The following SUPT20H variants were observed in gnomAD, a reference collection of about 807,000 sequenced individuals.
SUPT20H encodes the protein SPT20 homolog, SAGA complex component, also known as transcription factor SPT20 homolog.
In SUPT20H, 82 loss-of-function variants were observed where a neutral mutation model predicts 122.8. The ratio of observed to expected loss-of-function variants is 0.67; its 90% confidence interval spans 0.56 to 0.80. The LOEUF (loss-of-function observed/expected upper bound fraction) is 0.80. SUPT20H is among the 30% of genes least tolerant of loss of function. The pLI, the probability that SUPT20H is intolerant of heterozygous loss-of-function variation, is 0.00. For missense variants in SUPT20H, 831 were observed against 921.6 expected, an observed-to-expected ratio of 0.90 and a Z score of 1.27; for synonymous variants, 291 against 313.0, an observed-to-expected ratio of 0.93 and a Z score of 0.74.
Position 37,058,999 on chromosome 13 carries a change from C to A in SUPT20H, c.-94+560G>T, listed in dbSNP as rs184595082. Reference sequence around the variant, plus strand: ...ACTCAAGAAGACGCGGCCCCCACTACGCAGTGGCTACGGGAGATGGCTTCC... The same window carrying A: ...ACTCAAGAAGACGCGGCCCCCACTAAGCAGTGGCTACGGGAGATGGCTTCC... On this transcript the variant is annotated intron_variant, in intron 1 of 25. Transcript: ENST00000350612. 1.5e-3 allele frequency among the ~76,000 whole-genome samples: 221 copies of A among 152,310 alleles called. 2 individuals carry two copies. Among genetic ancestry groups the A allele is most frequent in the Non-Finnish European group, 5.6e-4 (38 of 68,014 alleles).
intron 1 of SUPT20H, among the ~76,000 whole-genome samples, chr13:37,053,533 G>A (rs956162882): frequency 1.3e-5 from 2 of 151,896 alleles, no homozygotes; most frequent in Admixed American, 1.3e-4. Flanking sequence ...GGGGGTTGGG[G>A]GAAAGGGGAT....
chr13:37,031,430 A>C (rs2063304902), intron 12 of SUPT20H, 137 bp downstream of exon 12: 1 of 475,918 alleles, frequency 2.1e-6, no homozygotes, highest in African/African-American at 2.0e-5. Flanking sequence ...ATTGTTTTTA[A>C]AAAACTTGTT....
At chr13:37,037,572 G>T (rs536321194) in intron 9 of SUPT20H, among the ~76,000 whole-genome samples, 2 of 152,330 alleles carry the variant, frequency 1.3e-5, no homozygotes, top group South Asian at 4.1e-4. Flanking sequence ...AGGAACTGGG[G>T]ATAAGGTAGT....
In SUPT20H at chr13:37,021,660, A is replaced by C; in HGVS notation, c.1662-58T>G. 3 of 1,515,968 alleles carry C rather than the reference A, an allele frequency of 2.0e-6. No individual in the cohort carries two copies. In the Admixed American group the frequency reaches 6.4e-5, roughly 33 times the overall value. The allele number at this position is 1,515,968 out of a possible 1,614,324, so 93.9% of individuals were successfully genotyped here. A position where few individuals can be genotyped will look rare whatever the true frequency, so the allele number is the denominator to read the frequency against. The stretch of plus-strand genomic sequence containing the variant: ...ACTGTAAAAGGAAAAAATCAGCCAC[A>C]CAATTCCTCAGATTAAAAAACAAAA... On this transcript the variant is annotated intron_variant, in intron 20 of 25. Transcript: ENST00000350612.
At chr13:37,018,500 T>A (rs2060914261) in intron 22 of SUPT20H, among the ~76,000 whole-genome samples, 1 of 152,214 alleles carries the variant, frequency 6.6e-6, no homozygotes, top group Non-Finnish European at 1.5e-5. Context: ...GGGTGGCTGA[T>A]CTGTTATTGT....
intron 9 of SUPT20H, among the ~76,000 whole-genome samples, chr13:37,037,181 C>A (rs182713478): frequency 1.3e-3 from 170 of 129,154 alleles, no homozygotes; most frequent in African/African-American, 2.9e-3. Flanking sequence ...TGAGTTGCAA[C>A]CTGACTCTGC....
At chr13:37,051,753 C>G in intron 1 of SUPT20H, 170 bp from the exon 2 acceptor site, 1 of 351,426 alleles carries the variant, frequency 2.8e-6, no homozygotes, top group East Asian at 4.3e-5. Flanking sequence ...TGTACCACAA[C>G]CTATCCACTC....
chr13:37,025,292 A>G (rs766261174), intron 17 of SUPT20H, 28 bp downstream of exon 17: 1 of 1,517,134 alleles, frequency 6.6e-7, no homozygotes, highest in East Asian at 2.3e-5. Flanking sequence ...ACAACTGGGC[A>G]CAAAGAAGTA....
At chr13:37,025,146 T>C (rs2139657935) in intron 17 of SUPT20H, 174 bp downstream of exon 17, 2 of 546,846 alleles carry the variant, frequency 3.7e-6, no homozygotes, top group East Asian at 7.4e-5. Flanking sequence ...TTCACACTAT[T>C]GGTCAGGCTG....
intron 15 of SUPT20H, 77 bp downstream of exon 15, chr13:37,026,713 T>C (rs1364172183): frequency 4.3e-5 from 37 of 857,750 alleles, no homozygotes; most frequent in South Asian, 4.1e-4. Context: ...AAATAAAGTA[T>C]ATTTAGCAAG....
chr13:37,053,769 G>A (rs1717063783), intron 1 of SUPT20H, among the ~76,000 whole-genome samples: 1 of 151,796 alleles, frequency 6.6e-6, no homozygotes, highest in African/African-American at 2.4e-5. Flanking sequence ...CTCACTCCTT[G>A]GGTACATATG....
rs745790215 is a variant in SUPT20H, at chr13:37,010,618, C to T, written c.2136G>A (p.Glu712=). The change falls in exon 25 of 26, where the codon GAG becomes GAA. Residue 712 remains glutamate (E), a synonymous_variant. Coordinates refer to ENST00000350612, the MANE Select transcript of SUPT20H (RefSeq NM_001014286.3). ...GGAATCTCTGCTGAGGAAGGCTTTG[C>T]TCAGGTCTGTTCTCGGCAGAGCCAA... is the stretch of plus-strand genomic sequence containing the variant. ...SQLGSAENRP[E]QSLPQQRFQL... The T allele has an allele frequency of 9.3e-6, 15 of 1,613,682 alleles. No homozygotes were observed. Among genetic ancestry groups the T allele is most frequent in the African/African-American group, 1.3e-5 (1 of 74,860 alleles).
At chr13:37,051,873 T>C (rs2067781749) in intron 1 of SUPT20H, among the ~76,000 whole-genome samples, 1 of 152,174 alleles carries the variant, frequency 6.6e-6, no homozygotes, top group South Asian at 2.1e-4. Context: ...AAAAAATACA[T>C]TTTTTAAAAT....
rs368340168 is a variant in SUPT20H, at chr13:37,017,684, C to T, written c.1873-320G>A. Among the ~76,000 whole-genome samples the T allele has an allele frequency of 3.9e-5, 6 of 152,208 alleles. No homozygotes were observed. In the South Asian group the frequency reaches 1.0e-3, roughly 26 times the overall value. On this transcript the variant is annotated intron_variant, in intron 22 of 25. Coordinates refer to ENST00000350612, the MANE Select transcript of SUPT20H (RefSeq NM_001014286.3). ...TTTTATACATCAATACAAAAGAGCA[C>T]TAAATACATTAGAAAGTACAAACAA... is the stretch of plus-strand genomic sequence containing the variant.
rs776730589 is a variant in SUPT20H at position 37,012,236 on chromosome 13, A to C, written c.2054T>G (p.Ile685Ser). Reference protein sequence around the residue: ...QALSAQQAAVINLTGVGSFMQ... With the variant: ...QALSAQQAAVSNLTGVGSFMQ... ...AAAACTTCCTACTCCAGTAAGGTTA[A>C]TAACAGCAGCTTGCTGAGCAGATAA... Residue 685 changes from isoleucine (I) to serine (S), a missense_variant, in exon 24 of 26, where the codon ATT (isoleucine) becomes AGT (serine). By Grantham distance (142) the Ile-to-Ser change is moderately radical. Transcript: ENST00000350612. The C allele has an allele frequency of 6.2e-7, 1 of 1,613,376 alleles. No individual in the cohort carries two copies. The highest frequency in any genetic ancestry group is 8.5e-7 in the Non-Finnish European group (1 of 1,179,548).
At chr13:37,057,539 A>AT (rs1019265942) in intron 1 of SUPT20H, among the ~76,000 whole-genome samples, 1 of 151,282 alleles carries the variant, frequency 6.6e-6, no homozygotes, top group African/African-American at 2.4e-5. Context: ...AAAAAAAAAA[A>AT]AAAAAAAGGA....
chr13:37,031,974 C>T, intron 10 of SUPT20H, 79 bp from the exon 11 acceptor site: 1 of 1,295,302 alleles, frequency 7.7e-7, no homozygotes, highest in East Asian at 2.5e-5. Flanking sequence ...CTAGTCAGTG[C>T]TGAATATGTA....
intron 1 of SUPT20H, among the ~76,000 whole-genome samples, chr13:37,055,464 A>G (rs1343188917): frequency 1.3e-5 from 2 of 152,220 alleles, no homozygotes; most frequent in African/African-American, 2.4e-5. Flanking sequence ...ATAATGCCAC[A>G]TATCTACAAC....
chr13:37,030,486 T>C (rs1387925509), intron 12 of SUPT20H, among the ~76,000 whole-genome samples: 1 of 152,116 alleles, frequency 6.6e-6, no homozygotes, highest in Non-Finnish European at 1.5e-5. Context: ...AGATTTTGAG[T>C]AGGGCTTGAA....
Sources: allele counts gnomAD v4.1 joint callset (sites outside exome capture counted in the v4.1 genomes callset), GRCh38; gene constraint gnomAD v4.1.1; transcripts MANE v1.5; gene names NCBI Gene and HGNC (gene_info 2026-07-23, HGNC 2026-07-21).